The following SYCE1 variants were observed in gnomAD, a reference collection of about 807,000 sequenced individuals.
The protein encoded by SYCE1 is cancer/testis antigen 76.
SYCE1 carries 37 observed loss-of-function variants against 55.1 expected under a neutral mutation model. That is an observed-to-expected ratio of 0.67 (90% confidence interval 0.52 to 0.88). The LOEUF (loss-of-function observed/expected upper bound fraction) is 0.88, where lower values mean the gene tolerates loss of function less well. SYCE1 is among the 40% of genes least tolerant of loss of function. The pLI, the probability that SYCE1 is intolerant of heterozygous loss-of-function variation, is 0.00. For synonymous variants in SYCE1, 163 were observed against 159.4 expected, an observed-to-expected ratio of 1.02 and a Z score of -0.17; for missense variants, 399 against 416.4, an observed-to-expected ratio of 0.96 and a Z score of 0.36.
chr10:133,554,143 T>C (rs185366185), downstream of SYCE1: 47 of 601,308 alleles, frequency 7.8e-5, no homozygotes, highest in African/African-American at 6.5e-4. Context: ...AAAGTCATGT[T>C]TGATAGTATA....
chr10:133,565,382 C>T, intron 1 of SYCE1, 75 bp downstream of exon 1: 2 of 1,339,336 alleles, frequency 1.5e-6, no homozygotes, highest in Non-Finnish European at 9.9e-7. Context: ...GAAGCAGCCG[C>T]CACCCGCGCC....
upstream of SYCE1, among the ~76,000 whole-genome samples, chr10:133,566,803 G>A (rs1226351205): frequency 6.8e-6 from 1 of 146,734 alleles, no homozygotes; most frequent in Non-Finnish European, 1.5e-5. Context: ...GTTAGGGTTA[G>A]CATTAGGAGT....
At chr10:133,558,551 C>T (rs1589967499) in intron 4 of SYCE1, 2 of 524,716 alleles carry the variant, frequency 3.8e-6, no homozygotes, top group East Asian at 6.5e-5. Flanking sequence ...GGCAGGGTGC[C>T]ATCTTTAAAT....
chr10:133,558,861 C>G lies in SYCE1; in HGVS notation c.271+16G>C, dbSNP rs1164425662. 1 of 1,612,808 alleles carries G rather than the reference C, an allele frequency of 6.2e-7. No individual in the cohort carries two copies. The highest frequency in any genetic ancestry group is 1.1e-5 in the South Asian group (1 of 90,900). Reference sequence around the variant, plus strand: ...AGACACTGTGGGGACCTCTGGGTGACCCCCGGCTCTCTTACGCGAGTCCAG... The same window carrying G: ...AGACACTGTGGGGACCTCTGGGTGAGCCCCGGCTCTCTTACGCGAGTCCAG... On this transcript the variant is annotated intron_variant, in intron 4 of 12. Coordinates refer to ENST00000343131, the MANE Select transcript of SYCE1 (RefSeq NM_001143764.3).
Position 133,555,684 on chromosome 10 carries a change from C to A in SYCE1, c.743G>T (p.Arg248Met), listed in dbSNP as rs201035428. Residue 248 changes from arginine to methionine, a missense_variant, in exon 11 of 13, where the codon AGG (arginine) becomes ATG (methionine). Arg to Met is a moderately conservative substitution (Grantham distance 91, BLOSUM62 -1). Transcript: ENST00000343131. ...AGCTGCTAGGAGCTCCTCAGCCTTC[C>A]TGTGCTCTTCCTGAAACAGCTGCCT... ...ATVQLFQEEHRKAEELLAAAA... is the reference protein window; with the variant it reads ...ATVQLFQEEHMKAEELLAAAA... 4 of 1,605,052 alleles carry A rather than the reference C, an allele frequency of 2.5e-6. No individual in the cohort carries two copies. The highest frequency in any genetic ancestry group is 3.4e-6 in the Non-Finnish European group (4 of 1,179,942).
intron 4 of SYCE1, chr10:133,558,489 T>C (rs1346764813): frequency 1.8e-6 from 1 of 559,392 alleles, no homozygotes; most frequent in Non-Finnish European, 3.2e-6. Flanking sequence ...CGAAGTGGGA[T>C]AAGGGCTATA....
intron 5 of SYCE1, 120 bp from the exon 6 acceptor site, chr10:133,558,038 A>G: frequency 6.6e-7 from 1 of 1,515,932 alleles, no homozygotes; most frequent in Non-Finnish European, 9.1e-7. Flanking sequence ...CATTTACTAC[A>G]TGTCTGGTGG....
In SYCE1 at chr10:133,555,867, T is replaced by C. The variant is rs774987377; in HGVS notation, c.632A>G (p.His211Arg). 4.3e-6 allele frequency: 7 copies of C among 1,613,974 alleles called. No homozygotes were observed. In the African/African-American group the frequency reaches 6.7e-5, roughly 15 times the overall value. ...AGCCCCACACAGGGAGCACAGCTGATGCTTCACGTCTTCCAGTGTCGCCTT... is the reference window on the plus strand; with the variant it reads ...AGCCCCACACAGGGAGCACAGCTGACGCTTCACGTCTTCCAGTGTCGCCTT... ...LVKATLEDVK[H>R]QLCSLCGAEG... Residue 211 changes from histidine (H) to arginine (R), a missense_variant, in exon 10 of 13, where the codon CAT becomes CGT. Physicochemically the swap from His to Arg is conservative, Grantham distance 29. Coordinates refer to ENST00000343131, the MANE Select transcript of SYCE1 (RefSeq NM_001143764.3).
upstream of SYCE1, chr10:133,565,713 A>G (rs1002818355): frequency 8.6e-6 from 5 of 583,928 alleles, no homozygotes; most frequent in Non-Finnish European, 1.4e-5. Flanking sequence ...TAAAGGCGCG[A>G]GGGCTACAAA....
Position 133,556,759 on chromosome 10 carries a change from G to A in SYCE1, c.528C>T (p.His176=), listed in dbSNP as rs150064711. The A allele has an allele frequency of 2.5e-4, 394 of 1,562,448 alleles. No homozygotes were observed. The highest frequency in any genetic ancestry group is 4.4e-4 in the Admixed American group (23 of 51,972). The change falls in exon 8 of 13, where the codon CAC becomes CAT. Residue 176 remains histidine, a splice_region_variant and synonymous_variant. Coordinates refer to ENST00000343131, the MANE Select transcript of SYCE1 (RefSeq NM_001143764.3). ...GGAGGAGTGGCTTTGAGGGACTCAC[G>A]TGGAAGTCCCAGAGGTCCTTGTGCT... ...MGQHKDLWDF[H]MPERLAKEIC...
At chr10:133,553,950 A>G (rs1409541008), downstream of SYCE1, 1 of 202,008 alleles carries the variant, frequency 5.0e-6, no homozygotes, top group Non-Finnish European at 9.9e-6. Flanking sequence ...TGAATAGGTG[A>G]ACTGTGTCAA....
chr10:133,559,546 C>T, intron 2 of SYCE1, 186 bp from the exon 3 acceptor site: 1 of 612,500 alleles, frequency 1.6e-6, no homozygotes, highest in South Asian at 1.9e-5. Context: ...CAATAAGATA[C>T]CGAATGGGGC....
upstream of SYCE1, among the ~76,000 whole-genome samples, chr10:133,566,944 C>T (rs1007473410): frequency 3.4e-5 from 5 of 146,280 alleles, no homozygotes; most frequent in South Asian, 2.3e-4. Flanking sequence ...CTTCAGGGTT[C>T]GGTGTCAGGG....
chr10:133,558,179 T>C lies in SYCE1; in HGVS notation c.307A>G (p.Ser103Gly). 1 of 1,614,164 alleles carries C rather than the reference T, an allele frequency of 6.2e-7. No homozygotes were observed. Among genetic ancestry groups the C allele is most frequent in the Non-Finnish European group, 8.5e-7 (1 of 1,180,030 alleles). ...GAGCGGCAAATACCTTGTTTTTTGCTCAAGATCTCCTTCAGGTGTACTTTC... is the reference window on the plus strand; with the variant it reads ...GAGCGGCAAATACCTTGTTTTTTGCCCAAGATCTCCTTCAGGTGTACTTTC... Reference protein sequence around the residue: ...GEKVHLKEILSKKQETLRILR... With the variant: ...GEKVHLKEILGKKQETLRILR... The change falls in exon 5 of 13, where the codon AGC (serine) becomes GGC (glycine). Residue 103 changes from serine to glycine, a missense_variant. By Grantham distance (56) the Ser-to-Gly change is moderately conservative (BLOSUM62 0). Transcript: ENST00000343131.
At position 133,554,989 on chromosome 10, in the gene SYCE1, G is replaced by GAGACGGGCTA; in HGVS notation, c.*2_*3insTAGCCCGTCT. 3.9e-6 allele frequency: 6 copies of GAGACGGGCTA among 1,543,494 alleles called. No individual in the cohort carries two copies. The highest frequency in any genetic ancestry group is 5.2e-6 in the Non-Finnish European group (6 of 1,143,460). The stretch of plus-strand genomic sequence containing the variant: ...CTACTCCTCACCAGTAGACTTAGCT[G>GAGACGGGCTA]TATCAAAATAGCTCCTTTATTTCCT... On this transcript the variant is annotated 3_prime_UTR_variant, in exon 13 of 13. Transcript: ENST00000343131.
At chr10:133,559,263 A>C in intron 3 of SYCE1, 38 bp downstream of exon 3, 1 of 1,610,086 alleles carries the variant, frequency 6.2e-7, no homozygotes, top group Non-Finnish European at 8.5e-7. Flanking sequence ...CAAACCATGC[A>C]GCTGGTCCTA....
At chr10:133,567,684 A>G (rs1353269404), upstream of SYCE1, 1 of 209,866 alleles carries the variant, frequency 4.8e-6, no homozygotes, top group Admixed American at 5.1e-5. Flanking sequence ...CTCCCTGTCC[A>G]TGGGTTACCA....
At position 133,555,584 on chromosome 10, in the gene SYCE1, C is replaced by T; in HGVS notation, c.830+13G>A. ...CCTGGTGGGGGTTGCGGGGACAGGGCCTCCACACGCACCTCTGCCGCTTCT... is the reference window on the plus strand; with the variant it reads ...CCTGGTGGGGGTTGCGGGGACAGGGTCTCCACACGCACCTCTGCCGCTTCT... On this transcript the variant is annotated intron_variant, in intron 11 of 12. Coordinates refer to ENST00000343131, the MANE Select transcript of SYCE1 (RefSeq NM_001143764.3). 1 of 1,602,644 alleles carries T rather than the reference C, an allele frequency of 6.2e-7. No homozygotes were observed. The highest frequency in any genetic ancestry group is 8.5e-7 in the Non-Finnish European group (1 of 1,177,844).
At chr10:133,557,210 C>T (rs563584970) in intron 6 of SYCE1, 54 bp from the exon 7 acceptor site, 3 of 1,509,150 alleles carry the variant, frequency 2.0e-6, no homozygotes, top group Middle Eastern at 1.7e-4. Flanking sequence ...CAGGAGGGCA[C>T]TGGGCTGGGG....
Sources: gnomAD v4.1 joint callset for allele counts (sites outside exome capture counted in the v4.1 genomes callset) on GRCh38, gnomAD v4.1.1 for gene constraint, MANE v1.5 for transcripts, NCBI Gene and HGNC (gene_info 2026-07-23, HGNC 2026-07-21) for gene names.